The following CTTNBP2 variants were observed in gnomAD, a reference collection of about 807,000 sequenced individuals.
The protein encoded by CTTNBP2 is cortactin-binding protein 2.
A neutral mutation model predicts 156.9 loss-of-function variants in CTTNBP2; 108 were observed. The ratio of observed to expected loss-of-function variants is 0.69; its 90% CI spans 0.59 to 0.81. The LOEUF (loss-of-function observed/expected upper bound fraction) is 0.81, where lower values mean the gene tolerates loss of function less well. Among genes scored for constraint, CTTNBP2 ranks in the 30% least tolerant of loss-of-function variants. CTTNBP2 has a pLI of 0.00. For synonymous variants in CTTNBP2, 767 were observed against 751.8 expected, an observed-to-expected ratio of 1.02 and a Z score of -0.33; for missense variants, 1,924 against 2,035.4, an observed-to-expected ratio of 0.95 and a Z score of 1.05.
At chr7:117,757,746 T>C (rs1209873414) in intron 11 of CTTNBP2, 129 bp downstream of exon 11, 1 of 590,522 alleles carries the variant, frequency 1.7e-6, no homozygotes, top group Non-Finnish European at 3.0e-6. Flanking sequence ...TCTAATTACC[T>C]AGTGGTGGAA....
chr7:117,830,359 A>T (rs1801525745), intron 2 of CTTNBP2, among the ~76,000 whole-genome samples: 1 of 152,182 alleles, frequency 6.6e-6, no homozygotes, highest in Non-Finnish European at 1.5e-5. Context: ...GGCCGACAGC[A>T]AGGGCTCCAT....
At position 117,711,496 on chromosome 7, in the gene CTTNBP2, T is replaced by C; in HGVS notation, c.*41A>G. The C allele has an allele frequency of 1.3e-6, 2 of 1,572,510 alleles. No homozygotes were observed. The highest frequency in any genetic ancestry group is 1.7e-6 in the Non-Finnish European group (2 of 1,161,914). ...TATCTTGTTGTCCTTGGTTTCTGTG[T>C]GAAATAGAGGAAGTTAATAATGAGA... On this transcript the variant is annotated 3_prime_UTR_variant, in exon 23 of 23. Transcript: ENST00000160373.
chr7:117,820,641 A>T (rs147990514), intron 2 of CTTNBP2, among the ~76,000 whole-genome samples: 3 of 152,164 alleles, frequency 2.0e-5, no homozygotes, highest in Non-Finnish European at 4.4e-5. Context: ...GCCTTTCCCC[A>T]TTGAATATCT....
At chr7:117,712,031 G>C (rs567523700) in intron 22 of CTTNBP2, among the ~76,000 whole-genome samples, 1 of 152,286 alleles carries the variant, frequency 6.6e-6, no homozygotes, top group African/African-American at 2.4e-5. Flanking sequence ...AAGTGCTAAG[G>C]CGTCGATCTC....
At chr7:117,815,554 G>C (rs915063134) in intron 2 of CTTNBP2, among the ~76,000 whole-genome samples, 2 of 152,006 alleles carry the variant, frequency 1.3e-5, no homozygotes, top group African/African-American at 4.8e-5. Context: ...AGGAACTTTC[G>C]GTGACTTGGA....
intron 5 of CTTNBP2, 23 bp downstream of exon 5, chr7:117,784,228 G>A: frequency 6.4e-7 from 1 of 1,556,682 alleles, no homozygotes; most frequent in Non-Finnish European, 8.7e-7. Flanking sequence ...CAAGTGTGTG[G>A]TATAAGATCT....
At chr7:117,726,393 G>A (rs1453964869) in intron 17 of CTTNBP2, among the ~76,000 whole-genome samples, 1 of 152,128 alleles carries the variant, frequency 6.6e-6, no homozygotes, top group East Asian at 1.9e-4. Context: ...GTACGAATGG[G>A]AACACAGACA....
intron 14 of CTTNBP2, among the ~76,000 whole-genome samples, chr7:117,739,192 C>T (rs35871198): frequency 0.23 from 34,399 of 152,068 alleles, 4,238 homozygotes; most frequent in African/African-American, 0.29. Context: ...AGAAATAGTA[C>T]GTGTCTAGTT....
chr7:117,772,507 C>A (rs139657209), intron 8 of CTTNBP2, among the ~76,000 whole-genome samples: 76 of 152,100 alleles, frequency 5.0e-4, no homozygotes, highest in African/African-American at 1.8e-3. Context: ...CTGGTGGAAG[C>A]AAAAATGAAT....
rs756624554 is a variant in CTTNBP2 at position 117,784,407 on chromosome 7, G to A, written c.2116C>T (p.Pro706Ser). The change falls in exon 5 of 23, where the codon CCC becomes TCC. Residue 706 changes from proline (P) to serine (S), a missense_variant. Transcript: ENST00000160373. ...AGAAGGGTGGGCCTGCCAGCCAGGG[G>A]GGCAGGACCACCACTCATTAGCAAA... ...TPLLMSGGPA[P>S]LAGRPTLLQQ... The A allele has an allele frequency of 8.7e-6, 14 of 1,612,302 alleles. No individual in the cohort carries two copies. Among genetic ancestry groups the A allele is most frequent in the Non-Finnish European group, 1.2e-5 (14 of 1,179,478 alleles).
Position 117,760,479 on chromosome 7 carries a change from G to A in CTTNBP2, c.3128C>T (p.Ser1043Phe). 6.2e-7 allele frequency: 1 copy of A among 1,614,078 alleles called. No individual in the cohort carries two copies. The highest frequency in any genetic ancestry group is 1.3e-5 in the African/African-American group (1 of 75,028). ...GCTTCTTGCACTGAGGCCGATGTTG[G>A]AATCAGTGGTGTTATTGCAAGTCAC... ...EDVTCNNTTD[S>F]NIGLSARSIR... is the part of the protein sequence containing the mutation. The change falls in exon 10 of 23, where the codon TCC becomes TTC. Residue 1043 changes from serine to phenylalanine, a missense_variant. Transcript: ENST00000160373.
At chr7:117,716,839 T>C (rs6978581) in intron 22 of CTTNBP2, among the ~76,000 whole-genome samples, 80,445 of 151,986 alleles carry the variant, frequency 0.53, 23,956 homozygotes, top group African/African-American at 0.82. Flanking sequence ...GGATCAAAAC[T>C]TAATGAAGCA....
At chr7:117,850,301 T>C (rs1802855363) in intron 2 of CTTNBP2, among the ~76,000 whole-genome samples, 1 of 152,260 alleles carries the variant, frequency 6.6e-6, no homozygotes, top group African/African-American at 2.4e-5. Flanking sequence ...GGTTCAAGGC[T>C]GCAGTGTGCT....
intron 8 of CTTNBP2, among the ~76,000 whole-genome samples, chr7:117,772,595 TA>T (rs957133287): frequency 2.6e-5 from 4 of 152,130 alleles, no homozygotes; most frequent in Admixed American, 6.5e-5. Flanking sequence ...TGTTAATAAT[TA>T]CACTGGGATG....
At chr7:117,764,359 G>C (rs1215043594) in intron 9 of CTTNBP2, among the ~76,000 whole-genome samples, 2 of 152,056 alleles carry the variant, frequency 1.3e-5, no homozygotes, top group African/African-American at 4.8e-5. Context: ...TACCTCTAAA[G>C]ACTCCAAAGC....
intron 11 of CTTNBP2, among the ~76,000 whole-genome samples, chr7:117,757,121 CA>C (rs1796926788): frequency 6.6e-6 from 1 of 152,136 alleles, no homozygotes. Context: ...GGGCCTAAAG[CA>C]ATTTTCTGGG....
intron 1 of CTTNBP2, among the ~76,000 whole-genome samples, chr7:117,870,567 C>T (rs13239186): frequency 0.23 from 34,356 of 152,144 alleles, 4,945 homozygotes; most frequent in South Asian, 0.35. Flanking sequence ...TCCAGAAAAG[C>T]TCAGAATGAC....
chr7:117,853,935 T>A (rs1418744150), intron 2 of CTTNBP2, among the ~76,000 whole-genome samples: 1 of 152,260 alleles, frequency 6.6e-6, no homozygotes, highest in Non-Finnish European at 1.5e-5. Context: ...ATGTTTTGCA[T>A]GGTATTCTAT....
At chr7:117,778,609 G>A (rs1195802021) in intron 7 of CTTNBP2, among the ~76,000 whole-genome samples, 1 of 152,016 alleles carries the variant, frequency 6.6e-6, no homozygotes, top group East Asian at 1.9e-4. Context: ...TCTGGGGATG[G>A]GGCTACCAAT....
Sources: gnomAD v4.1 joint callset for allele counts (sites outside exome capture counted in the v4.1 genomes callset) on GRCh38, gnomAD v4.1.1 for gene constraint, MANE v1.5 for transcripts, NCBI Gene and HGNC (gene_info 2026-07-23, HGNC 2026-07-21) for gene names.